Variants in OTOG observed in about 807,000 individuals in gnomAD.
OTOG encodes the protein otogelin.
OTOG carries 296 observed loss-of-function variants against 313.8 expected under a neutral mutation model. The ratio of observed to expected loss-of-function variants is 0.94; its 90% CI spans 0.86 to 1.04. OTOG has a LOEUF of 1.04. Among genes scored for constraint, OTOG ranks in the 50% least tolerant of loss-of-function variants. The pLI is 0.00. For synonymous variants in OTOG, 1,533 were observed against 1,554.9 expected (o/e 0.99, Z 0.33); for missense variants, 3,948 against 3,840.1 (o/e 1.03, Z -0.74).
chr11:17,556,342 G>A (rs1852057586), intron 7 of OTOG, among the ~76,000 whole-genome samples: 1 of 152,166 alleles, frequency 6.6e-6, no homozygotes, highest in African/African-American at 2.4e-5. Flanking sequence ...AGGACCACCA[G>A]AGGAGTGGGG....
intron 35 of OTOG, 80 bp downstream of exon 35, chr11:17,609,289 G>T (rs765630656): frequency 1.4e-5 from 18 of 1,306,222 alleles, no homozygotes; most frequent in Non-Finnish European, 1.8e-5. Context: ...ATGCCTCAAA[G>T]CTCCCAGGTC....
Position 17,560,404 on chromosome 11 carries a change from C to T in OTOG, c.1343-305C>T, listed in dbSNP as rs7944456. 0.042 allele frequency among the ~76,000 whole-genome samples: 6,435 copies of T among 152,100 alleles called. 403 individuals are homozygous for T. The highest frequency in any genetic ancestry group is 0.13 in the African/African-American group (5,568 of 41,444). ...GAAGTCATTCCTGGAGGAGGTGGTGCCTGGCACCTAAGCTGTTTTTGATGC... is the reference window on the plus strand; with the variant it reads ...GAAGTCATTCCTGGAGGAGGTGGTGTCTGGCACCTAAGCTGTTTTTGATGC... On this transcript the variant is annotated intron_variant, in intron 12 of 55. Transcript: ENST00000399397.
At position 17,558,201 on chromosome 11, in the gene OTOG, C is replaced by T. The variant is rs553788179; in HGVS notation, c.882C>T (p.Asp294=). 58 of 1,550,424 alleles carry T rather than the reference C, an allele frequency of 3.7e-5. No individual in the cohort carries two copies. The highest frequency in any genetic ancestry group is 1.2e-4 in the Admixed American group (6 of 50,980). ...LVTSSGKLTD[D]VVEFVHSWQE... ...CTCCTCCAGGGAAGCTGACTGACGA[C>T]GTGGTTGAGTTTGTGCACAGCTGGC... Residue 294 remains aspartate, a synonymous_variant, in exon 9 of 56, where the codon GAC becomes GAT. Transcript: ENST00000399397.
At chr11:17,579,234 C>T (rs894841801) in intron 23 of OTOG, among the ~76,000 whole-genome samples, 3 of 152,094 alleles carry the variant, frequency 2.0e-5, no homozygotes, top group Non-Finnish European at 2.9e-5. Context: ...AGTGGTCACC[C>T]GGGAGTCGTG....
Position 17,619,636 on chromosome 11 carries a change from G to A in OTOG, c.6528+5935G>A, listed in dbSNP as rs1853813889. ...GACTAGCTACAAATAATATTATATT[G>A]CATCATATATACCATAAGAACTTTA... On this transcript the variant is annotated intron_variant, in intron 39 of 55. Coordinates refer to ENST00000399397, the MANE Select transcript of OTOG (RefSeq NM_001292063.2). 4.0e-5 allele frequency among the ~76,000 whole-genome samples: 6 copies of A among 151,662 alleles called. No individual in the cohort carries two copies. The South Asian group carries it at 1.3e-3, about 32-fold the overall frequency.
intron 32 of OTOG, among the ~76,000 whole-genome samples, chr11:17,602,745 C>T (rs1853285846): frequency 6.6e-6 from 1 of 152,076 alleles, no homozygotes; most frequent in African/African-American, 2.4e-5. Context: ...TCTTCCCTTT[C>T]TCCCTCTACC....
Position 17,573,104 on chromosome 11 carries a change from G to A in OTOG, c.2107G>A (p.Val703Met), listed in dbSNP as rs745785866. 6.7e-5 allele frequency: 104 copies of A among 1,548,202 alleles called. No homozygotes were observed. Among genetic ancestry groups the A allele is most frequent in the African/African-American group, 5.5e-4 (40 of 73,052 alleles). ...CTCCTACTCAGTGCAGGCCTGCAGC[G>A]TGCTCACGGGGGAGATGTTTGCGCC... ...AASYSVQACS[V>M]LTGEMFAPCS... The change falls in exon 19 of 56, where the codon GTG becomes ATG. Residue 703 changes from valine to methionine, a missense_variant. Val to Met is a conservative substitution (Grantham distance 21). Coordinates refer to ENST00000399397, the MANE Select transcript of OTOG (RefSeq NM_001292063.2).
intron 22 of OTOG, among the ~76,000 whole-genome samples, chr11:17,577,782 C>G (rs968694697): frequency 3.9e-5 from 6 of 152,198 alleles, no homozygotes; most frequent in Non-Finnish European, 5.9e-5. Flanking sequence ...TGGAACTCAG[C>G]TCCTTTTTAT....
intron 35 of OTOG, 130 bp from the exon 36 acceptor site, chr11:17,609,525 C>A: frequency 1.2e-6 from 1 of 861,354 alleles, no homozygotes; most frequent in Non-Finnish European, 1.8e-6. Flanking sequence ...TGACATCTGG[C>A]CGTTAGAAGC....
In OTOG at chr11:17,559,567, A is replaced by T; in HGVS notation, c.1247A>T (p.Asn416Ile). ...VHCKEKAFTY[N>I]ECIACCPASC... Reference sequence around the variant, plus strand: ...TGCAAGGAGAAGGCCTTTACCTACAATGAGTGCATCGCCTGCTGCCCTGCC... The same window carrying T: ...TGCAAGGAGAAGGCCTTTACCTACATTGAGTGCATCGCCTGCTGCCCTGCC... Residue 416 changes from asparagine (N) to isoleucine (I), a missense_variant, in exon 12 of 56, where the codon AAT becomes ATT. Physicochemically the swap from Asn to Ile is moderately radical, Grantham distance 149. Coordinates refer to ENST00000399397, the MANE Select transcript of OTOG (RefSeq NM_001292063.2). The T allele has an allele frequency of 6.4e-7, 1 of 1,550,620 alleles. No homozygotes were observed. The highest frequency in any genetic ancestry group is 8.7e-7 in the Non-Finnish European group (1 of 1,147,012).
At chr11:17,602,717 C>T (rs997014770) in intron 32 of OTOG, among the ~76,000 whole-genome samples, 3 of 152,154 alleles carry the variant, frequency 2.0e-5, no homozygotes, top group Non-Finnish European at 4.4e-5. Context: ...CCCTCCCTCT[C>T]TCCCTTCTTC....
At chr11:17,621,379 C>CT (rs1853860048) in intron 39 of OTOG, among the ~76,000 whole-genome samples, 1 of 152,110 alleles carries the variant, frequency 6.6e-6, no homozygotes, top group Non-Finnish European at 1.5e-5. Context: ...AAGCAACACC[C>CT]TTCTGCATAC....
At chr11:17,557,086 G>A in intron 7 of OTOG, 32 bp from the exon 8 acceptor site, 2 of 1,543,388 alleles carry the variant, frequency 1.3e-6, no homozygotes, top group East Asian at 2.4e-5. Context: ...AGGTGTTGTG[G>A]ATACCCTGAA....
rs1270299984 is a variant in OTOG, at chr11:17,605,854, C to T, written c.3878-3C>T. 1.3e-6 allele frequency: 2 copies of T among 1,536,062 alleles called. No homozygotes were observed. Among genetic ancestry groups the T allele is most frequent in the Non-Finnish European group, 1.8e-6 (2 of 1,137,866 alleles). On this transcript the variant is annotated splice_polypyrimidine_tract_variant and splice_region_variant and intron_variant, in intron 32 of 55. Transcript: ENST00000399397. ...CTGACTCTCCCCATGTGGTTCTCTG[C>T]AGACCCAGATGTGGTGTCCCTGGAG...
At chr11:17,608,509 A>G in intron 34 of OTOG, 96 bp downstream of exon 34, 8 of 816,560 alleles carry the variant, frequency 9.8e-6, no homozygotes, top group African/African-American at 1.8e-5. Flanking sequence ...TCATATGTTG[A>G]GTGTATGGGG....
At position 17,640,941 on chromosome 11, in the gene OTOG, G is replaced by A. The variant is rs1236802983; in HGVS notation, c.8040G>A (p.Glu2680=). 6.5e-7 allele frequency: 1 copy of A among 1,548,274 alleles called. No individual in the cohort carries two copies. Among genetic ancestry groups the A allele is most frequent in the Non-Finnish European group, 8.7e-7 (1 of 1,146,946 alleles). Residue 2680 remains glutamate, a synonymous_variant, in exon 51 of 56, where the codon GAG becomes GAA. Transcript: ENST00000399397. ...AGGCCCCGGTGTGTCTGAGCCGCGAGCTGGGTGTGATGCAGCCCGGCCAGA... is the reference window on the plus strand; with the variant it reads ...AGGCCCCGGTGTGTCTGAGCCGCGAACTGGGTGTGATGCAGCCCGGCCAGA... ...CVKAPVCLSR[E]LGVMQPGQTV... is the part of the protein sequence containing the mutation.
At chr11:17,593,051 C>T (rs1052505815) in intron 25 of OTOG, 142 bp from the exon 26 acceptor site, 30 of 823,616 alleles carry the variant, frequency 3.6e-5, no homozygotes, top group Middle Eastern at 3.6e-4. Context: ...GAACAGAAGT[C>T]GCCCAAAGTC....
intron 6 of OTOG, among the ~76,000 whole-genome samples, chr11:17,554,689 G>A (rs569515252): frequency 6.6e-5 from 10 of 152,326 alleles, no homozygotes; most frequent in South Asian, 2.1e-4. Context: ...CTGGATGGGC[G>A]GGGAACTGCA....
At chr11:17,631,582 A>G in intron 40 of OTOG, 120 bp from the exon 41 acceptor site, 2 of 816,976 alleles carry the variant, frequency 2.4e-6, no homozygotes, top group South Asian at 3.6e-5. Flanking sequence ...CCTCACCTAT[A>G]AAATGGGGAT....
Sources: gnomAD v4.1 joint callset for allele counts (sites outside exome capture counted in the v4.1 genomes callset) on GRCh38, gnomAD v4.1.1 for gene constraint, MANE v1.5 for transcripts, NCBI Gene and HGNC (gene_info 2026-07-23, HGNC 2026-07-21) for gene names.